LY6E: variants seen among roughly 807,000 people sequenced by gnomAD.
LY6E encodes lymphocyte antigen 6 family member E.
A neutral mutation model predicts 7.7 loss-of-function variants in LY6E; 4 were observed. That is an observed-to-expected ratio of 0.52 (90% CI 0.25 to 1.18). LY6E has a LOEUF of 1.18. LY6E is among the 50% of genes most tolerant of loss of function. The probability of loss-of-function intolerance (pLI) is 0.14; values close to 1 mark genes in which losing one functional copy is unlikely to be tolerated. For missense variants in LY6E, 156 were observed against 168.0 expected (o/e 0.93, Z 0.40); for synonymous variants, 81 against 80.1 (o/e 1.01, Z -0.06).
Position 143,021,627 on chromosome 8 carries a change from A to G in LY6E, c.234A>G (p.Pro78=). 1 of 1,613,902 alleles carries G rather than the reference A, an allele frequency of 6.2e-7. No individual in the cohort carries two copies. The highest frequency in any genetic ancestry group is 8.5e-7 in the Non-Finnish European group (1 of 1,180,008). Residue 78 remains proline, a synonymous_variant, in exon 4 of 4, where the codon CCA becomes CCG. Transcript: ENST00000292494. The part of the protein sequence containing the change: ...SKTCSPACPI[P]EGVNVGVASM... ...CCTGTTCCCCGGCCTGCCCCATCCC[A>G]GAAGGCGTCAATGTTGGTGTGGCTT...
chr8:143,021,002 C>CATCA lies in LY6E; in HGVS notation c.52+11_52+12insATCA. 6.3e-7 allele frequency: 1 copy of CATCA among 1,597,142 alleles called. No individual in the cohort carries two copies. Among genetic ancestry groups the CATCA allele is most frequent in the Non-Finnish European group, 8.5e-7 (1 of 1,172,250 alleles). ...TGGGTGTGGAGCGAGGTGAGGTGCC[C>CATCA]TTGGGGACCCCAGACCTTTGTCCAG... is the stretch of plus-strand genomic sequence containing the variant. On this transcript the variant is annotated intron_variant, in intron 2 of 3. Transcript: ENST00000292494.
At chr8:143,020,817 T>G (rs1236353807) in intron 1 of LY6E, 66 bp from the exon 2 acceptor site, 1 of 816,082 alleles carries the variant, frequency 1.2e-6, no homozygotes, top group Non-Finnish European at 2.0e-6. Context: ...ATCTGCAAAG[T>G]GGGGGTGCAT....
Position 143,021,303 on chromosome 8 carries a change from T to G in LY6E, c.53-11T>G. 6.2e-7 allele frequency: 1 copy of G among 1,612,068 alleles called. No individual in the cohort carries two copies. The highest frequency in any genetic ancestry group is 8.5e-7 in the Non-Finnish European group (1 of 1,179,524). ...AGGCTTCCCTGAGACAGGTGTGTCC[T>G]CCTTCCGCAGCCAGCTCGCTGATGT... On this transcript the variant is annotated splice_polypyrimidine_tract_variant and intron_variant, in intron 2 of 3. Coordinates refer to ENST00000292494, the MANE Select transcript of LY6E (RefSeq NM_002346.3).
At chr8:143,020,850 C>T (rs886986995) in intron 1 of LY6E, 33 bp from the exon 2 acceptor site, 2 of 1,274,070 alleles carry the variant, frequency 1.6e-6, no homozygotes, top group Admixed American at 1.8e-5. Flanking sequence ...GAGTGAGGCA[C>T]CACCCGGCCC....
chr8:143,020,891 A>G lies in LY6E; in HGVS notation c.-49A>G. On this transcript the variant is annotated 5_prime_UTR_variant, in exon 2 of 4. Coordinates refer to ENST00000292494, the MANE Select transcript of LY6E (RefSeq NM_002346.3). ...CCAGTGTGTCTCTCCAGAGCAGGACAGGCTGCTTTGGTTTGTGACCTCCAG... is the reference window on the plus strand; with the variant it reads ...CCAGTGTGTCTCTCCAGAGCAGGACGGGCTGCTTTGGTTTGTGACCTCCAG... 6.3e-7 allele frequency: 1 copy of G among 1,575,806 alleles called. No homozygotes were observed. Among genetic ancestry groups the G allele is most frequent in the Admixed American group, 1.7e-5 (1 of 59,708 alleles).
rs749473075 is a variant in LY6E, at chr8:143,021,602, C to G, written c.209C>G (p.Thr70Ser). The change falls in exon 4 of 4, where the codon ACC becomes AGC. Residue 70 changes from threonine (T) to serine (S), a missense_variant. Physicochemically the swap from Thr to Ser is moderately conservative, Grantham distance 58 (BLOSUM62 1). Transcript: ENST00000292494. Reference sequence around the variant, plus strand: ...ACATTTGGCCACAGCCTGAGCAAGACCTGTTCCCCGGCCTGCCCCATCCCA... The same window carrying G: ...ACATTTGGCCACAGCCTGAGCAAGAGCTGTTCCCCGGCCTGCCCCATCCCA... ...LVTFGHSLSKTCSPACPIPEG... is the reference protein window; with the variant it reads ...LVTFGHSLSKSCSPACPIPEG... 67 of 1,613,840 alleles carry G rather than the reference C, an allele frequency of 4.2e-5. No homozygotes were observed. Among genetic ancestry groups the G allele is most frequent in the Admixed American group, 1.7e-5 (1 of 60,004 alleles).
chr8:143,021,130 C>A, intron 2 of LY6E, 139 bp downstream of exon 2: 1 of 1,233,148 alleles, frequency 8.1e-7, no homozygotes, highest in Non-Finnish European at 1.1e-6. Context: ...CCTGGCCACA[C>A]TGTCTCACTG....
At chr8:143,020,822 G>T in intron 1 of LY6E, 61 bp from the exon 2 acceptor site, 2 of 855,596 alleles carry the variant, frequency 2.3e-6, no homozygotes, top group Admixed American at 2.0e-5. Flanking sequence ...CAAAGTGGGG[G>T]TGCATGGTCT....
rs752304887 is a variant in LY6E, at chr8:143,020,946, ATCT to A, written c.12_14del (p.Phe4del). 62 of 1,613,716 alleles carry A rather than the reference ATCT, an allele frequency of 3.8e-5. No individual in the cohort carries two copies. Among genetic ancestry groups the A allele is most frequent in the Middle Eastern group, 1.6e-4 (1 of 6,080 alleles). ...GACGGCCATCCTCTCCAGAATGAAG[ATCT>A]TCTTGCCAGTGCTGCTGGCTGCCCT... On this transcript the variant is annotated inframe_deletion, in exon 2 of 4. Coordinates refer to ENST00000292494, the MANE Select transcript of LY6E (RefSeq NM_002346.3).
chr8:143,020,561 ACCATTCCCCATTCC>A (rs567573576), intron 1 of LY6E, among the ~76,000 whole-genome samples: 6 of 152,150 alleles, frequency 3.9e-5, no homozygotes, highest in Non-Finnish European at 8.8e-5. Context: ...ATGACTGATC[ACCATTCCCCATTCC>A]CCATTCCCCC....
In LY6E at chr8:143,021,624, C is replaced by A. The variant is rs149971397; in HGVS notation, c.231C>A (p.Ile77=). ...AGACCTGTTCCCCGGCCTGCCCCAT[C>A]CCAGAAGGCGTCAATGTTGGTGTGG... The part of the protein sequence containing the change: ...LSKTCSPACP[I]PEGVNVGVAS... Residue 77 remains isoleucine, a synonymous_variant, in exon 4 of 4, where the codon ATC becomes ATA. Coordinates refer to ENST00000292494, the MANE Select transcript of LY6E (RefSeq NM_002346.3). 1.2e-6 allele frequency: 2 copies of A among 1,614,044 alleles called. No homozygotes were observed. The highest frequency in any genetic ancestry group is 1.3e-5 in the African/African-American group (1 of 75,058).
At position 143,021,462 on chromosome 8, in the gene LY6E, C is replaced by T. The variant is rs753256048; in HGVS notation, c.172+29C>T. 4 of 1,613,820 alleles carry T rather than the reference C, an allele frequency of 2.5e-6. No homozygotes were observed. The Admixed American group carries it at 5.0e-5, about 20-fold the overall frequency. On this transcript the variant is annotated intron_variant, in intron 3 of 3. Transcript: ENST00000292494. ...AGTGCCAGGCCTCAGACCGTGCCTT[C>T]CTCCCCTGGCCATCTCCCTAGCCCG...
chr8:143,020,833 TG>T, intron 1 of LY6E, 49 bp from the exon 2 acceptor site: 1 of 995,466 alleles, frequency 1.0e-6, no homozygotes. Flanking sequence ...TGCATGGTCT[TG>T]GGGAGGAGTG....
intron 2 of LY6E, 119 bp downstream of exon 2, chr8:143,021,110 G>A: frequency 7.7e-7 from 1 of 1,292,672 alleles, no homozygotes; most frequent in South Asian, 1.3e-5. Context: ...CCAGCAGAGG[G>A]CTCACCCGGC....
intron 1 of LY6E, chr8:143,019,261 G>GATGAGCC (rs2130448440): frequency 6.6e-6 from 1 of 152,398 alleles, no homozygotes; most frequent in Non-Finnish European, 1.5e-5. Flanking sequence ...TGAGCCTGGG[G>GATGAGCC]ATGAGCCATG....
At chr8:143,020,780 C>T (rs943508480) in intron 1 of LY6E, 103 bp from the exon 2 acceptor site, 3 of 646,004 alleles carry the variant, frequency 4.6e-6, no homozygotes, top group African/African-American at 3.6e-5. Context: ...GCTGGCAGGT[C>T]CCTTCCCCTC....
At position 143,022,021 on chromosome 8, in the gene LY6E, G is replaced by A. The variant is rs554215687; in HGVS notation, c.*232G>A. ...GATGTGACCTTCCTTGGGGGACCGC[G>A]GAAGGGACGAGGGTTCCCTGGAGTC... is the stretch of plus-strand genomic sequence containing the variant. On this transcript the variant is annotated 3_prime_UTR_variant, in exon 4 of 4. Transcript: ENST00000292494. 1.2e-4 allele frequency: 71 copies of A among 583,102 alleles called. No homozygotes were observed. Among genetic ancestry groups the A allele is most frequent in the East Asian group, 5.4e-4 (19 of 35,480 alleles). The allele number at this position is 583,102 out of a possible 1,614,324, so 36.1% of individuals were successfully genotyped here.
rs555035621 is a variant in LY6E at position 143,022,155 on chromosome 8, C to T, written c.*366C>T. On this transcript the variant is annotated 3_prime_UTR_variant, in exon 4 of 4. Transcript: ENST00000292494. ...GCTGTGTACGTGGGTGTGCAGTGCA[C>T]GTGAGAGCACGTGGCGGCTTCTGGG... 31 of 302,792 alleles carry T rather than the reference C, an allele frequency of 1.0e-4. No individual in the cohort carries two copies. Among genetic ancestry groups the T allele is most frequent in the African/African-American group, 6.0e-4 (28 of 46,288 alleles). The allele number at this position is 302,792 out of a possible 1,614,324, so 18.8% of individuals were successfully genotyped here.
At chr8:143,018,899 G>C (rs986281910) in intron 1 of LY6E, 18 of 152,218 alleles carry the variant, frequency 1.2e-4, no homozygotes, top group African/African-American at 4.3e-4. Flanking sequence ...GAGCCTCCCG[G>C]CCGCCCCAGG....
Sources: gnomAD v4.1 joint callset for allele counts (sites outside exome capture counted in the v4.1 genomes callset) on GRCh38, gnomAD v4.1.1 for gene constraint, MANE v1.5 for transcripts, NCBI Gene and HGNC (gene_info 2026-07-23, HGNC 2026-07-21) for gene names.